ANKRD12: variants seen among roughly 807,000 people sequenced by gnomAD.
ANKRD12 encodes the protein ankyrin repeat domain 12.
In ANKRD12, 85 loss-of-function variants were observed where a neutral mutation model predicts 183.4. That is an observed-to-expected ratio of 0.46 (90% CI 0.39 to 0.56). ANKRD12 has a LOEUF of 0.56. ANKRD12 is among the 20% of genes least tolerant of loss of function. The probability of loss-of-function intolerance (pLI) is 0.00; values close to 1 mark genes in which losing one functional copy is unlikely to be tolerated. For missense variants in ANKRD12, 2,405 were observed against 2,357.1 expected (o/e 1.02, Z -0.42); for synonymous variants, 914 against 800.2 (o/e 1.14, Z -2.40).
intron 1 of ANKRD12, among the ~76,000 whole-genome samples, chr18:9,150,023 C>A (rs1271479505): frequency 6.6e-6 from 1 of 152,020 alleles, no homozygotes; most frequent in African/African-American, 2.4e-5. Context: ...TCTCGACCTC[C>A]TGACCTCAGG....
chr18:9,246,381 A>G (rs2037963111), intron 8 of ANKRD12, among the ~76,000 whole-genome samples: 2 of 152,218 alleles, frequency 1.3e-5, no homozygotes, highest in Admixed American at 1.3e-4. Context: ...TATTAGATAC[A>G]AGAAAATAAG....
intron 6 of ANKRD12, among the ~76,000 whole-genome samples, chr18:9,214,900 G>A (rs990720401): frequency 6.6e-5 from 10 of 152,130 alleles, no homozygotes; most frequent in African/African-American, 1.7e-4. Flanking sequence ...TAAAAAAGGC[G>A]TACCTATAGA....
chr18:9,177,214 T>C (rs779071292), intron 1 of ANKRD12, among the ~76,000 whole-genome samples: 16 of 152,130 alleles, frequency 1.1e-4, no homozygotes, highest in Non-Finnish European at 2.4e-4. Flanking sequence ...CCAAGATTGT[T>C]ACACGGAGAA....
chr18:9,188,856 T>C (rs6506644), intron 2 of ANKRD12, among the ~76,000 whole-genome samples: 120,445 of 152,204 alleles, frequency 0.79, 47,832 homozygotes, highest in Middle Eastern at 0.88. Flanking sequence ...CTTACTGGCT[T>C]CTCTCCCAAC....
intron 6 of ANKRD12, among the ~76,000 whole-genome samples, chr18:9,213,450 T>G (rs1296781032): frequency 1.3e-5 from 2 of 151,982 alleles, no homozygotes; most frequent in Admixed American, 1.3e-4. Flanking sequence ...GGATACTTGT[T>G]ACAGCATTGT....
At chr18:9,168,297 T>C (rs1182705519) in intron 1 of ANKRD12, among the ~76,000 whole-genome samples, 7 of 152,284 alleles carry the variant, frequency 4.6e-5, no homozygotes, top group African/African-American at 1.4e-4. Context: ...AGGATTGGTA[T>C]CAGCTCCTCC....
intron 9 of ANKRD12, among the ~76,000 whole-genome samples, chr18:9,260,856 CT>C (rs2038924432): frequency 6.6e-6 from 1 of 152,178 alleles, no homozygotes; most frequent in African/African-American, 2.4e-5. Context: ...TCCTTGGCTT[CT>C]TTTTTGTAAC....
intron 2 of ANKRD12, among the ~76,000 whole-genome samples, chr18:9,195,004 T>G (rs2034689290): frequency 1.3e-5 from 2 of 152,066 alleles, no homozygotes; most frequent in Admixed American, 1.3e-4. Context: ...ATGCAGCCAT[T>G]AAAAAGAATG....
chr18:9,203,344 T>C (rs1161641994), intron 3 of ANKRD12, among the ~76,000 whole-genome samples: 3 of 152,166 alleles, frequency 2.0e-5, no homozygotes, highest in African/African-American at 7.2e-5. Context: ...GTTGTTTTTT[T>C]TGAACACTTG....
At chr18:9,170,431 T>C (rs1392344471) in intron 1 of ANKRD12, among the ~76,000 whole-genome samples, 1 of 152,210 alleles carries the variant, frequency 6.6e-6, no homozygotes, top group African/African-American at 2.4e-5. Context: ...CTTTTTTCTC[T>C]AAACTTCTTG....
At chr18:9,249,317 A>G (rs1436967647) in intron 8 of ANKRD12, among the ~76,000 whole-genome samples, 1 of 152,184 alleles carries the variant, frequency 6.6e-6, no homozygotes. Flanking sequence ...AAAGTTTCTC[A>G]TTCCCTGGGT....
intron 3 of ANKRD12, among the ~76,000 whole-genome samples, chr18:9,198,074 T>C (rs979931434): frequency 2.0e-5 from 3 of 152,202 alleles, no homozygotes; most frequent in African/African-American, 4.8e-5. Context: ...TTAAGTGATA[T>C]TTCCCATATG....
chr18:9,147,578 A>G (rs1321046164), intron 1 of ANKRD12, among the ~76,000 whole-genome samples: 1 of 152,202 alleles, frequency 6.6e-6, no homozygotes, highest in Non-Finnish European at 1.5e-5. Context: ...ACTGTGACCT[A>G]TTCAGTGAAG....
chr18:9,270,066 C>T (rs1266724373), intron 10 of ANKRD12, among the ~76,000 whole-genome samples: 1 of 152,156 alleles, frequency 6.6e-6, no homozygotes, highest in Non-Finnish European at 1.5e-5. Context: ...CAATGAGATA[C>T]CATCTCACAC....
intron 7 of ANKRD12, among the ~76,000 whole-genome samples, chr18:9,220,628 TC>T (rs892056819): frequency 6.6e-6 from 1 of 152,174 alleles, no homozygotes; most frequent in Non-Finnish European, 1.5e-5. Flanking sequence ...TCCATTTGGG[TC>T]CTGTTGGTTT....
Position 9,153,163 on chromosome 18 carries a change from T to C in ANKRD12, c.-52+16198T>C, listed in dbSNP as rs1275430765. Among the ~76,000 whole-genome samples the C allele has an allele frequency of 5.9e-5, 9 of 152,346 alleles. No individual in the cohort carries two copies. In the East Asian group the frequency reaches 1.7e-3, roughly 29 times the overall value. ...GATTTATTTCTATTATTTGAGTGCC[T>C]ACTCAAAAGCAGATTTTCAAACAGG... On this transcript the variant is annotated intron_variant, in intron 1 of 12. Transcript: ENST00000262126.
At chr18:9,223,992 A>T (rs73394141) in intron 8 of ANKRD12, among the ~76,000 whole-genome samples, 1,839 of 152,328 alleles carry the variant, frequency 0.012, 47 homozygotes, top group African/African-American at 0.042. Context: ...AAGCAAGATA[A>T]TAATGACTGG....
In ANKRD12 at chr18:9,257,743, C is replaced by G. The variant is rs555907828; in HGVS notation, c.4476C>G (p.Cys1492Trp). The change falls in exon 9 of 13, where the codon TGC becomes TGG. Residue 1492 changes from cysteine (C) to tryptophan (W), a missense_variant. Physicochemically the swap from Cys to Trp is radical, Grantham distance 215 (BLOSUM62 -2). This residue lies in a region of ANKRD12 where 1,983 missense variants were observed against 1,725.9 expected (regional missense o/e 1.15). Coordinates refer to ENST00000262126, the MANE Select transcript of ANKRD12 (RefSeq NM_015208.5). ...PASFMPPQQPCSFPSQSLSDA... is the reference protein window; with the variant it reads ...PASFMPPQQPWSFPSQSLSDA... The stretch of plus-strand genomic sequence containing the variant: ...CCTTTATGCCTCCACAGCAGCCTTG[C>G]TCTTTCCCCAGCCAATCACTTTCAG... 1.4e-5 allele frequency: 22 copies of G among 1,614,078 alleles called. No homozygotes were observed. The African/African-American group carries it at 2.5e-4, about 19-fold the overall frequency.
At position 9,285,945 on chromosome 18, in the gene ANKRD12, T is replaced by C. The variant is rs2040206741; in HGVS notation, c.*4819T>C. The C allele has an allele frequency of 6.6e-6, 1 of 152,234 alleles. No homozygotes were observed. Among genetic ancestry groups the C allele is most frequent in the Non-Finnish European group, 1.5e-5 (1 of 68,052 alleles). The allele number at this position is 152,234 out of a possible 1,614,324, so 9.4% of individuals were successfully genotyped here. ...TTGTTGGTATTTGGATTGTTTCCAG[T>C]TTGGGACTATTGTTAATAAACCTGT... On this transcript the variant is annotated 3_prime_UTR_variant, in exon 13 of 13. Transcript: ENST00000262126.
Sources: allele counts gnomAD v4.1 joint callset (sites outside exome capture counted in the v4.1 genomes callset), GRCh38; gene constraint gnomAD v4.1.1; regional missense constraint gnomAD v4.1.1; transcripts MANE v1.5; gene names NCBI Gene and HGNC (gene_info 2026-07-23, HGNC 2026-07-21).